Variants in VIT observed in about 807,000 individuals in gnomAD.
VIT encodes the protein vitrin.
In VIT, 99 loss-of-function variants were observed where a neutral mutation model predicts 78.0. That is an observed-to-expected ratio of 1.27 (90% CI 1.08 to 1.50). The LOEUF (loss-of-function observed/expected upper bound fraction) is 1.50, where lower values mean the gene tolerates loss of function less well. VIT is among the 40% of genes most tolerant of loss of function. VIT has a pLI of 0.00. For missense variants in VIT, 1,126 were observed against 875.3 expected (o/e 1.29, Z -3.61); for synonymous variants, 374 against 334.3 (o/e 1.12, Z -1.29).
intron 2 of VIT, among the ~76,000 whole-genome samples, chr2:36,725,941 T>C (rs1573158696): frequency 6.6e-6 from 1 of 152,014 alleles, no homozygotes; most frequent in African/African-American, 2.4e-5. Context: ...CATGTTGGTG[T>C]CCACCTATAA....
chr2:36,774,753 G>T (rs999040216), intron 8 of VIT: 3 of 985,264 alleles, frequency 3.0e-6, no homozygotes, highest in Admixed American at 6.1e-5. Flanking sequence ...GGACTCCAAG[G>T]CCATCTTAGG....
At chr2:36,744,343 T>A (rs1424746263) in intron 4 of VIT, among the ~76,000 whole-genome samples, 1 of 152,122 alleles carries the variant, frequency 6.6e-6, no homozygotes, top group Non-Finnish European at 1.5e-5. Flanking sequence ...GTATATATAG[T>A]CAGCAATGGG....
At chr2:36,706,190 C>T (rs995972952) in intron 1 of VIT, among the ~76,000 whole-genome samples, 1 of 152,234 alleles carries the variant, frequency 6.6e-6, no homozygotes, top group Non-Finnish European at 1.5e-5. Flanking sequence ...CAGAGCTTGG[C>T]TTCAGGGTTG....
At chr2:36,753,682 G>A (rs1163708705) in intron 4 of VIT, among the ~76,000 whole-genome samples, 1 of 152,150 alleles carries the variant, frequency 6.6e-6, no homozygotes, top group East Asian at 1.9e-4. Flanking sequence ...GGTCTTCTGG[G>A]GTGAAACAGC....
At chr2:36,735,999 G>C (rs1667488956) in intron 3 of VIT, among the ~76,000 whole-genome samples, 1 of 152,176 alleles carries the variant, frequency 6.6e-6, no homozygotes, top group Admixed American at 6.5e-5. Context: ...TTAACGGACT[G>C]TTTAATCCAA....
At chr2:36,777,142 ATAGT>A (rs1418885694) in intron 9 of VIT, among the ~76,000 whole-genome samples, 3 of 97,428 alleles carry the variant, frequency 3.1e-5, no homozygotes, top group Non-Finnish European at 7.9e-5. Flanking sequence ...AAGTAAATTA[ATAGT>A]TAAACAAATT....
In VIT at chr2:36,808,634, T is replaced by C; in HGVS notation, c.1552T>C (p.Ser518Pro). ...TGACATTGGCTTCGTCATCGACGGC[T>C]CCAGCAGTGTGGGGACGGGCAACTT... ...SADIGFVIDGSSSVGTGNFRT... is the reference protein window; with the variant it reads ...SADIGFVIDGPSSVGTGNFRT... The change falls in exon 15 of 16, where the codon TCC (serine) becomes CCC (proline). Residue 518 changes from serine to proline, a missense_variant. Transcript: ENST00000379242. 1 of 1,614,226 alleles carries C rather than the reference T, an allele frequency of 6.2e-7. No individual in the cohort carries two copies. The highest frequency in any genetic ancestry group is 1.1e-5 in the South Asian group (1 of 91,090).
chr2:36,701,154 A>G (rs1021518911), intron 1 of VIT, among the ~76,000 whole-genome samples: 1 of 152,100 alleles, frequency 6.6e-6, no homozygotes, highest in East Asian at 1.9e-4. Context: ...TAGTAATAAC[A>G]GTGGAGAGGC....
At chr2:36,725,901 G>A (rs564358656) in intron 2 of VIT, among the ~76,000 whole-genome samples, 59 of 151,900 alleles carry the variant, frequency 3.9e-4, no homozygotes, top group African/African-American at 8.9e-4. Context: ...GTGAAACCCC[G>A]TCTCTGGTAA....
intron 11 of VIT, among the ~76,000 whole-genome samples, chr2:36,786,333 C>A (rs1487757368): frequency 6.6e-6 from 1 of 152,196 alleles, no homozygotes; most frequent in Non-Finnish European, 1.5e-5. Flanking sequence ...GAGATGATAT[C>A]ATTCCTGTCT....
intron 3 of VIT, among the ~76,000 whole-genome samples, chr2:36,736,332 C>A (rs1050677245): frequency 4.6e-5 from 7 of 152,132 alleles, no homozygotes; most frequent in Admixed American, 1.3e-4. Flanking sequence ...GTAGGTTACT[C>A]ATTCAAAAAA....
chr2:36,731,397 C>A (rs925090440), intron 3 of VIT, among the ~76,000 whole-genome samples: 1 of 152,036 alleles, frequency 6.6e-6, no homozygotes, highest in African/African-American at 2.4e-5. Flanking sequence ...CCTCAGCCTC[C>A]CAAGTAGCTG....
intron 1 of VIT, among the ~76,000 whole-genome samples, chr2:36,702,192 T>A (rs1384625069): frequency 2.0e-5 from 3 of 152,148 alleles, no homozygotes; most frequent in Non-Finnish European, 4.4e-5. Flanking sequence ...GAAACAGCCC[T>A]GAGTGGAACC....
At position 36,783,324 on chromosome 2, in the gene VIT, T is replaced by G. The variant is rs1406288794; in HGVS notation, c.848-16T>G. The G allele has an allele frequency of 6.2e-7, 1 of 1,613,986 alleles. No homozygotes were observed. Among genetic ancestry groups the G allele is most frequent in the Non-Finnish European group, 8.5e-7 (1 of 1,179,892 alleles). Reference sequence around the variant, plus strand: ...CTTTCCTTGTAAGTCACCAAAAGTTTTACTGCTCTTTCCAGGACTTGTTCC... The same window carrying G: ...CTTTCCTTGTAAGTCACCAAAAGTTGTACTGCTCTTTCCAGGACTTGTTCC... On this transcript the variant is annotated splice_polypyrimidine_tract_variant and intron_variant, in intron 10 of 15. Transcript: ENST00000379242.
At chr2:36,767,606 T>G (rs1005057614) in intron 7 of VIT, among the ~76,000 whole-genome samples, 12 of 152,236 alleles carry the variant, frequency 7.9e-5, no homozygotes, top group Non-Finnish European at 1.6e-4. Flanking sequence ...GGTTTTTAAG[T>G]GACAAATGGT....
intron 15 of VIT, among the ~76,000 whole-genome samples, chr2:36,810,346 A>T (rs1667067552): frequency 6.6e-6 from 1 of 152,266 alleles, no homozygotes; most frequent in African/African-American, 2.4e-5. Context: ...CTAAGAGGGC[A>T]ACAAAATTTT....
Position 36,729,458 on chromosome 2 carries a change from G to C in VIT, c.85G>C (p.Glu29Gln). Reference protein sequence around the residue: ...LLVTGVHSNKETAKKIKRPKF... With the variant: ...LLVTGVHSNKQTAKKIKRPKF... ...GGTGACTGGAGTACATTCAAACAAA[G>C]AAACGGCAAAGAAGATTAAAAGGCC... Residue 29 changes from glutamate to glutamine, a missense_variant, in exon 3 of 16, where the codon GAA becomes CAA. Coordinates refer to ENST00000379242, the MANE Select transcript of VIT (RefSeq NM_053276.4). The C allele has an allele frequency of 6.2e-7, 1 of 1,609,150 alleles. No homozygotes were observed. Among genetic ancestry groups the C allele is most frequent in the Non-Finnish European group, 8.5e-7 (1 of 1,178,000 alleles).
chr2:36,728,229 C>A (rs888750834), intron 2 of VIT, among the ~76,000 whole-genome samples: 4 of 152,080 alleles, frequency 2.6e-5, no homozygotes, highest in African/African-American at 2.4e-5. Flanking sequence ...CCACGTCCAG[C>A]CTGTATTTTC....
intron 13 of VIT, among the ~76,000 whole-genome samples, chr2:36,803,496 G>A (rs888826113): frequency 6.6e-6 from 1 of 152,166 alleles, no homozygotes; most frequent in Non-Finnish European, 1.5e-5. Flanking sequence ...GGCGTCTTGT[G>A]CTCTGCCCTA....
Sources: allele counts gnomAD v4.1 joint callset (sites outside exome capture counted in the v4.1 genomes callset), GRCh38; gene constraint gnomAD v4.1.1; transcripts MANE v1.5; gene names NCBI Gene and HGNC (gene_info 2026-07-23, HGNC 2026-07-21).